PRUNE2: variants seen among roughly 807,000 people sequenced by gnomAD.
PRUNE2 encodes prune homolog 2 with BCH domain.
In PRUNE2, 164 loss-of-function variants were observed where a neutral mutation model predicts 252.0. The ratio of observed to expected loss-of-function variants is 0.65; its 90% CI spans 0.57 to 0.74. The LOEUF (loss-of-function observed/expected upper bound fraction) is 0.74, where lower values mean the gene tolerates loss of function less well. PRUNE2 is among the 30% of genes least tolerant of loss of function. PRUNE2 has a pLI of 0.00. For synonymous variants in PRUNE2, 1,292 were observed against 1,350.2 expected (o/e 0.96, Z 0.94); for missense variants, 3,495 against 3,711.0 (o/e 0.94, Z 1.51).
At chr9:76,803,573 C>A (rs1455284638) in intron 6 of PRUNE2, among the ~76,000 whole-genome samples, 2 of 152,138 alleles carry the variant, frequency 1.3e-5, no homozygotes, top group African/African-American at 4.8e-5. Flanking sequence ...AAATGTTCAA[C>A]CCCGTGTCGT....
chr9:76,876,294 T>A (rs943020831), intron 1 of PRUNE2, among the ~76,000 whole-genome samples: 2 of 152,208 alleles, frequency 1.3e-5, no homozygotes, highest in Admixed American at 6.5e-5. Flanking sequence ...AGGAATAGCA[T>A]GTTCTGCTTG....
Position 76,706,676 on chromosome 9 carries a change from A to G in PRUNE2, c.5598T>C (p.Ser1866=). 1.2e-6 allele frequency: 2 copies of G among 1,613,728 alleles called. No individual in the cohort carries two copies. The highest frequency in any genetic ancestry group is 1.7e-6 in the Non-Finnish European group (2 of 1,179,788). The change falls in exon 8 of 19, where the codon AGT becomes AGC. Residue 1866 remains serine, a synonymous_variant. Transcript: ENST00000376718. Reference sequence around the variant, plus strand: ...CACCCTGAACTGGTACTCCCCAGGGACTGGCATTTTGGTGTACTGAAGAAT... The same window carrying G: ...CACCCTGAACTGGTACTCCCCAGGGGCTGGCATTTTGGTGTACTGAAGAAT... ...EINSSVHQNA[S]PWGVPVQGDI...
Position 76,709,582 on chromosome 9 carries a change from C to G in PRUNE2, c.2692G>C (p.Glu898Gln), listed in dbSNP as rs1305560019. 1 of 1,613,852 alleles carries G rather than the reference C, an allele frequency of 6.2e-7. No homozygotes were observed. The highest frequency in any genetic ancestry group is 1.3e-5 in the African/African-American group (1 of 74,908). The change falls in exon 8 of 19, where the codon GAA becomes CAA. Residue 898 changes from glutamate to glutamine, a missense_variant. Transcript: ENST00000376718. ...HTWTNSKPPKEDQNGLVDPKT... is the reference protein window; with the variant it reads ...HTWTNSKPPKQDQNGLVDPKT... Reference sequence around the variant, plus strand: ...GGATCCACTAAACCATTCTGATCTTCTTTTGGTGGCTTAGAATTAGTCCAT... The same window carrying G: ...GGATCCACTAAACCATTCTGATCTTGTTTTGGTGGCTTAGAATTAGTCCAT...
At chr9:76,837,287 C>CA (rs1416828022) in intron 4 of PRUNE2, among the ~76,000 whole-genome samples, 6 of 151,894 alleles carry the variant, frequency 4.0e-5, no homozygotes, top group South Asian at 2.1e-4. Context: ...ACTAAAAATA[C>CA]AAAAATTAGC....
chr9:76,671,554 G>A (rs546132133), intron 9 of PRUNE2, among the ~76,000 whole-genome samples: 8 of 152,158 alleles, frequency 5.3e-5, no homozygotes, highest in South Asian at 2.1e-4. Context: ...TACAGAGAAC[G>A]CCACAAAGAT....
At chr9:76,716,512 C>A (rs1180034721) in intron 6 of PRUNE2, among the ~76,000 whole-genome samples, 1 of 152,240 alleles carries the variant, frequency 6.6e-6, no homozygotes, top group South Asian at 2.1e-4. Flanking sequence ...ACACTGCCAG[C>A]TCTTTGTTCC....
At chr9:76,644,383 C>T (rs1843883064) in intron 12 of PRUNE2, 2 of 315,128 alleles carry the variant, frequency 6.3e-6, no homozygotes, top group South Asian at 2.8e-5. Flanking sequence ...ATGACACAGG[C>T]CATGGTGTCA....
intron 17 of PRUNE2, among the ~76,000 whole-genome samples, chr9:76,621,496 A>AT (rs996652208): frequency 1.4e-4 from 22 of 152,258 alleles, no homozygotes; most frequent in Admixed American, 1.2e-3. Flanking sequence ...AAAAGGTAGG[A>AT]TCAAAAGATC....
chr9:76,755,390 T>C (rs2051045447), intron 6 of PRUNE2, among the ~76,000 whole-genome samples: 1 of 151,902 alleles, frequency 6.6e-6, no homozygotes, highest in Non-Finnish European at 1.5e-5. Flanking sequence ...GAGGGAGGAA[T>C]GGATGGCTGG....
chr9:76,695,305 TG>T (rs2045280399), intron 9 of PRUNE2, among the ~76,000 whole-genome samples: 1 of 152,244 alleles, frequency 6.6e-6, no homozygotes, highest in Non-Finnish European at 1.5e-5. Context: ...TGCAAAGTGC[TG>T]GGATTACAGG....
In PRUNE2 at chr9:76,846,510, C is replaced by T. The variant is rs1437759498; in HGVS notation, c.508+5G>A. ...CAGTATTTAATAGGAAGAGCCATCT[C>T]TCACCTCTGAGGCGATGAGCCAGTT... On this transcript the variant is annotated splice_donor_5th_base_variant and intron_variant, in intron 4 of 18. Coordinates refer to ENST00000376718, the MANE Select transcript of PRUNE2 (RefSeq NM_015225.3). 6.2e-7 allele frequency: 1 copy of T among 1,610,052 alleles called. No individual in the cohort carries two copies. Among genetic ancestry groups the T allele is most frequent in the Non-Finnish European group, 8.5e-7 (1 of 1,177,570 alleles).
At chr9:76,746,123 G>A (rs1474475903) in intron 6 of PRUNE2, among the ~76,000 whole-genome samples, 3 of 152,150 alleles carry the variant, frequency 2.0e-5, no homozygotes, top group Admixed American at 2.0e-4. Context: ...AGTATGTGTG[G>A]TCTTTGTCCC....
intron 6 of PRUNE2, among the ~76,000 whole-genome samples, chr9:76,734,222 G>C (rs975303655): frequency 6.6e-6 from 1 of 152,094 alleles, no homozygotes; most frequent in African/African-American, 2.4e-5. Context: ...TGTTTGTAAG[G>C]TGCCTTCCAG....
intron 6 of PRUNE2, chr9:76,823,400 A>G (rs1344331209): frequency 4.1e-6 from 2 of 485,854 alleles, no homozygotes; most frequent in African/African-American, 3.8e-5. Flanking sequence ...GCTTTGTTTT[A>G]CTGAGATGAA....
Position 76,614,262 on chromosome 9 carries a change from A to G in PRUNE2, c.*308T>C, listed in dbSNP as rs1206118122. ...AGTGGATTAAAGGTATCTTACTGGT[A>G]AACACCAGTCTAAGGGACAAAGTAT... On this transcript the variant is annotated 3_prime_UTR_variant, in exon 19 of 19. Coordinates refer to ENST00000376718, the MANE Select transcript of PRUNE2 (RefSeq NM_015225.3). The G allele has an allele frequency of 2.3e-5, 9 of 396,842 alleles. No homozygotes were observed. The highest frequency in any genetic ancestry group is 4.0e-5 in the Non-Finnish European group (9 of 222,688). 24.6% of individuals were successfully genotyped at this position (396,842 alleles called of 1,614,324 possible). A position where few individuals can be genotyped will look rare whatever the true frequency, so the allele number is the denominator to read the frequency against.
intron 8 of PRUNE2, among the ~76,000 whole-genome samples, 166 bp from the exon 9 acceptor site, chr9:76,704,265 C>G (rs958069960): frequency 6.6e-6 from 1 of 152,030 alleles, no homozygotes; most frequent in African/African-American, 2.4e-5. Flanking sequence ...CGCTCTGTCA[C>G]CCAGGATAGA....
intron 6 of PRUNE2, among the ~76,000 whole-genome samples, chr9:76,743,264 T>A (rs1376463243): frequency 6.6e-6 from 1 of 152,196 alleles, no homozygotes; most frequent in Non-Finnish European, 1.5e-5. Context: ...AATGGACTAA[T>A]ACAGAGAGCT....
chr9:76,882,649 T>TA (rs1408896158), intron 1 of PRUNE2, among the ~76,000 whole-genome samples: 3 of 152,140 alleles, frequency 2.0e-5, no homozygotes, highest in African/African-American at 7.2e-5. Flanking sequence ...CTACAGACTT[T>TA]AAAAGGACCA....
intron 6 of PRUNE2, among the ~76,000 whole-genome samples, chr9:76,714,213 G>A (rs2046961029): frequency 6.8e-6 from 1 of 147,862 alleles, no homozygotes; most frequent in Non-Finnish European, 1.5e-5. Flanking sequence ...CTTTATTCCA[G>A]TGTAGAATTC....
Sources: gnomAD v4.1 joint callset for allele counts (sites outside exome capture counted in the v4.1 genomes callset) on GRCh38, gnomAD v4.1.1 for gene constraint, MANE v1.5 for transcripts, NCBI Gene and HGNC (gene_info 2026-07-23, HGNC 2026-07-21) for gene names.